Variants in CASD1 observed in about 807,000 individuals in gnomAD.
CASD1 encodes N-acetylneuraminate (7)9-O-acetyltransferase.
A neutral mutation model predicts 100.0 loss-of-function variants in CASD1; 41 were observed. That is an observed-to-expected ratio of 0.41 (90% CI 0.32 to 0.53). CASD1 has a LOEUF of 0.53. Among genes scored for constraint, CASD1 ranks in the 20% least tolerant of loss-of-function variants. The probability of loss-of-function intolerance (pLI) is 0.25; values close to 1 mark genes in which losing one functional copy is unlikely to be tolerated. For synonymous variants in CASD1, 321 were observed against 315.6 expected (o/e 1.02, Z -0.18); for missense variants, 774 against 948.7 (o/e 0.82, Z 2.42).
intron 7 of CASD1, 134 bp downstream of exon 7, chr7:94,533,936 T>A: frequency 1.3e-6 from 1 of 758,684 alleles, no homozygotes; most frequent in Non-Finnish European, 2.0e-6. Flanking sequence ...AAGATTAGAG[T>A]ACACTTGAGT....
chr7:94,618,142 A>G, the CASD1 span: 1 of 152,350 alleles, frequency 6.6e-6, no homozygotes, highest in East Asian at 1.9e-4. Flanking sequence ...TTCAGAACTG[A>G]CAAATACCTT....
Position 94,555,618 on chromosome 7 carries a change from A to C in CASD1, c.2254A>C (p.Ile752Leu). Residue 752 changes from isoleucine to leucine, a missense_variant, in exon 18 of 18, where the codon ATT (isoleucine) becomes CTT (leucine). Ile to Leu is a conservative substitution (Grantham distance 5). Coordinates refer to ENST00000297273, the MANE Select transcript of CASD1 (RefSeq NM_022900.5). ...CATATTTGTTTGTGTGGCACATGAAATTTCTCAGATCACTAATGATCTTGC... is the reference window on the plus strand; with the variant it reads ...CATATTTGTTTGTGTGGCACATGAACTTTCTCAGATCACTAATGATCTTGC... The part of the protein sequence containing the change: ...TFIFVCVAHE[I>L]SQITNDLAQI... The C allele has an allele frequency of 6.2e-7, 1 of 1,613,568 alleles. No homozygotes were observed. Among genetic ancestry groups the C allele is most frequent in the South Asian group, 1.1e-5 (1 of 91,072 alleles).
At chr7:94,587,070 A>C in the CASD1 span, 1 of 985,030 alleles carries the variant, frequency 1.0e-6, no homozygotes, top group Non-Finnish European at 1.2e-6. Context: ...CTCAAGCAAA[A>C]TACCTGCTCC....
chr7:94,524,382 G>A (rs1794441503), intron 3 of CASD1: 1 of 152,058 alleles, frequency 6.6e-6, no homozygotes. Context: ...GTAGACAAAA[G>A]GTGGGGGTCA....
chr7:94,514,930 G>A (rs972468898), intron 1 of CASD1, among the ~76,000 whole-genome samples: 1 of 151,858 alleles, frequency 6.6e-6, no homozygotes, highest in Non-Finnish European at 1.5e-5. Context: ...TGTTTTGTTA[G>A]GTTTATATTT....
At chr7:94,544,312 C>T in intron 10 of CASD1, 99 bp from the exon 11 acceptor site, 3 of 1,395,946 alleles carry the variant, frequency 2.1e-6, no homozygotes, top group Non-Finnish European at 3.0e-6. Context: ...ATGCCAAATG[C>T]TAATAATCAT....
the CASD1 span, among the ~76,000 whole-genome samples, chr7:94,591,403 A>G: frequency 6.6e-6 from 1 of 152,170 alleles, no homozygotes; most frequent in Non-Finnish European, 1.5e-5. Context: ...ACACACAAGC[A>G]CTTCCTCATT....
chr7:94,593,183 T>G, the CASD1 span, among the ~76,000 whole-genome samples: 1 of 152,162 alleles, frequency 6.6e-6, no homozygotes, highest in Non-Finnish European at 1.5e-5. Context: ...ATTAGAAGAC[T>G]TAATTCTACT....
In CASD1 at chr7:94,538,962, C is replaced by T. The variant is rs1420340803; in HGVS notation, c.1267-5C>T. The T allele has an allele frequency of 1.9e-6, 3 of 1,550,486 alleles. No homozygotes were observed. Among genetic ancestry groups the T allele is most frequent in the African/African-American group, 1.4e-5 (1 of 72,996 alleles). Reference sequence around the variant, plus strand: ...TTTAAAACAGATTTTGGTTCCTTTACACAGACTAAAGTATTAAATAGAGAA... The same window carrying T: ...TTTAAAACAGATTTTGGTTCCTTTATACAGACTAAAGTATTAAATAGAGAA... On this transcript the variant is annotated splice_region_variant and splice_polypyrimidine_tract_variant and intron_variant, in intron 9 of 17. Transcript: ENST00000297273.
chr7:94,623,757 T>G, the CASD1 span: 1 of 394,322 alleles, frequency 2.5e-6, no homozygotes, highest in Non-Finnish European at 4.5e-6. Context: ...ACAATAATTT[T>G]TGTACTTTTA....
At chr7:94,587,678 CAT>C in the CASD1 span, 2 of 1,525,580 alleles carry the variant, frequency 1.3e-6, no homozygotes, top group Non-Finnish European at 1.8e-6. Flanking sequence ...CTTGTTGAAA[CAT>C]GTTAGCATTT....
intron 5 of CASD1, among the ~76,000 whole-genome samples, chr7:94,529,024 T>C (rs1176996719): frequency 1.3e-5 from 2 of 152,168 alleles, no homozygotes; most frequent in Non-Finnish European, 2.9e-5. Context: ...TGTAGGATCC[T>C]GTGGGAACCT....
the CASD1 span, chr7:94,590,966 C>CAGTTTTTTAATGTTTAATGTAT: frequency 4.0e-5 from 6 of 151,838 alleles, no homozygotes; most frequent in Non-Finnish European, 2.9e-5. Context: ...TGTTTCAGTT[C>CAGTTTTTTAATGTTTAATGTAT]CACTTTAAAG....
chr7:94,529,022 C>A (rs1584396239), intron 5 of CASD1, among the ~76,000 whole-genome samples: 2 of 151,790 alleles, frequency 1.3e-5, no homozygotes, highest in East Asian at 3.9e-4. Flanking sequence ...TTTGTAGGAT[C>A]CTGTGGGAAC....
chr7:94,523,919 G>T (rs1794416008), intron 3 of CASD1, among the ~76,000 whole-genome samples: 1 of 152,064 alleles, frequency 6.6e-6, no homozygotes, highest in Non-Finnish European at 1.5e-5. Flanking sequence ...AAAAGTAACA[G>T]AAATGCCATT....
At chr7:94,615,417 GATAGATAAA>G in the CASD1 span, among the ~76,000 whole-genome samples, 3 of 127,652 alleles carry the variant, frequency 2.4e-5, no homozygotes, top group Admixed American at 2.4e-4. Flanking sequence ...TAGATAGATA[GATAGATAAA>G]GGGCAATTCT....
At chr7:94,530,561 C>A (rs1794803996) in intron 5 of CASD1, among the ~76,000 whole-genome samples, 1 of 151,922 alleles carries the variant, frequency 6.6e-6, no homozygotes, top group African/African-American at 2.4e-5. Context: ...AGTGGAGAAC[C>A]ATTGAAAGTT....
At chr7:94,619,111 G>A in the CASD1 span, 1 of 646,690 alleles carries the variant, frequency 1.5e-6, no homozygotes, top group Admixed American at 2.4e-5. Context: ...TTTAACAGAG[G>A]ATGTATCTAA....
chr7:94,538,581 T>C (rs1370000003), intron 9 of CASD1, among the ~76,000 whole-genome samples: 1 of 152,032 alleles, frequency 6.6e-6, no homozygotes, highest in Admixed American at 6.6e-5. Flanking sequence ...GTAGGGGAAG[T>C]GTAAGATCCT....
Sources: gnomAD v4.1 joint callset for allele counts (sites outside exome capture counted in the v4.1 genomes callset) on GRCh38, gnomAD v4.1.1 for gene constraint, MANE v1.5 for transcripts, NCBI Gene and HGNC (gene_info 2026-07-23, HGNC 2026-07-21) for gene names.